The following SPMIP8 variants were observed in gnomAD, a reference collection of about 807,000 sequenced individuals.
The protein encoded by SPMIP8 is testicular tissue protein Li 196.
At chr16:57,984,230 G>C in the SPMIP8 span, 2 of 1,526,646 alleles carry the variant, frequency 1.3e-6, no homozygotes, top group Non-Finnish European at 1.8e-6. Context: ...GTACAGTGTG[G>C]GCCAAAGTTC....
the SPMIP8 span, among the ~76,000 whole-genome samples, chr16:57,978,961 C>T: frequency 5.3e-5 from 8 of 152,056 alleles, no homozygotes; most frequent in Non-Finnish European, 1.2e-4. Flanking sequence ...TTGACAGGTG[C>T]AGTGGTAGGA....
the SPMIP8 span, among the ~76,000 whole-genome samples, chr16:57,981,112 G>C: frequency 4.6e-5 from 7 of 152,072 alleles, no homozygotes; most frequent in Non-Finnish European, 7.4e-5. Flanking sequence ...CGGGCGTGGC[G>C]GTTCACGCCT....
At chr16:57,980,409 T>G in the SPMIP8 span, among the ~76,000 whole-genome samples, 1 of 152,216 alleles carries the variant, frequency 6.6e-6, no homozygotes, top group East Asian at 1.9e-4. Context: ...CAAAAGTTCT[T>G]TTCAGGACGC....
chr16:57,981,598 G>A, the SPMIP8 span, among the ~76,000 whole-genome samples: 157 of 125,870 alleles, frequency 1.2e-3, 1 homozygote, highest in East Asian at 0.033. Flanking sequence ...TGCAACTTCC[G>A]CCTCCCCGGT....
the SPMIP8 span, among the ~76,000 whole-genome samples, chr16:57,982,335 G>A: frequency 4.6e-5 from 7 of 152,266 alleles, no homozygotes; most frequent in Middle Eastern, 3.4e-3. Context: ...CTAGGATTAC[G>A]TATTTCAGTT....
At chr16:57,984,417 C>T in the SPMIP8 span, 3 of 1,579,052 alleles carry the variant, frequency 1.9e-6, no homozygotes, top group Non-Finnish European at 2.6e-6. Context: ...CAGCCCCAAG[C>T]ACCTCTGGTC....
At chr16:57,984,756 T>A in the SPMIP8 span, 5 of 1,607,990 alleles carry the variant, frequency 3.1e-6, no homozygotes, top group Admixed American at 3.4e-5. Flanking sequence ...CGAGGACTGG[T>A]CCCACTTCGT....
the SPMIP8 span, chr16:57,987,666 C>T: frequency 9.4e-6 from 4 of 427,486 alleles, no homozygotes; most frequent in Admixed American, 8.8e-5. Context: ...CCGGCCAACT[C>T]CTGGAGGACT....
the SPMIP8 span, chr16:57,985,357 G>C: frequency 8.9e-6 from 14 of 1,578,418 alleles, no homozygotes; most frequent in Non-Finnish European, 1.2e-5. Context: ...GGGGGGAGGA[G>C]ACCCAGAGCA....
chr16:57,977,150 C>T, the SPMIP8 span, among the ~76,000 whole-genome samples: 1 of 152,134 alleles, frequency 6.6e-6, no homozygotes, highest in African/African-American at 2.4e-5. Flanking sequence ...TGGCTCACAC[C>T]TGTAATCCCA....
the SPMIP8 span, among the ~76,000 whole-genome samples, chr16:57,978,909 G>A: frequency 1.3e-5 from 2 of 152,172 alleles, no homozygotes; most frequent in African/African-American, 4.8e-5. Flanking sequence ...GAGCCACTGT[G>A]CCTAGCCTGT....
chr16:57,986,244 A>C, the SPMIP8 span: 1 of 345,300 alleles, frequency 2.9e-6, no homozygotes, highest in East Asian at 4.6e-5. Flanking sequence ...GACAAATAAG[A>C]AACACAAGGG....
the SPMIP8 span, chr16:57,987,611 G>A: frequency 1.7e-6 from 1 of 598,120 alleles, no homozygotes; most frequent in Non-Finnish European, 2.6e-6. Flanking sequence ...CAGCCTGGGA[G>A]AGGGTCAGGG....
chr16:57,984,749 G>C, the SPMIP8 span: 8 of 1,607,454 alleles, frequency 5.0e-6, no homozygotes, highest in Non-Finnish European at 5.9e-6. Flanking sequence ...GCGCCATCGA[G>C]GACTGGTCCC....
chr16:57,985,081 C>G, the SPMIP8 span: 9 of 1,184,468 alleles, frequency 7.6e-6, no homozygotes, highest in East Asian at 5.4e-5. Context: ...GACCTGTTCT[C>G]CGTACACGTG....
the SPMIP8 span, among the ~76,000 whole-genome samples, chr16:57,978,976 T>C: frequency 6.6e-6 from 1 of 152,168 alleles, no homozygotes; most frequent in South Asian, 2.1e-4. Flanking sequence ...GTAGGAGTCA[T>C]AACAGTAGTA....
chr16:57,985,825 G>A, the SPMIP8 span: 8 of 1,501,394 alleles, frequency 5.3e-6, no homozygotes, highest in South Asian at 3.9e-5. Flanking sequence ...GGCGGGGAGA[G>A]GGGGTGGCTC....
the SPMIP8 span, chr16:57,985,037 C>T: frequency 2.9e-6 from 3 of 1,045,462 alleles, no homozygotes; most frequent in Admixed American, 3.3e-5. Flanking sequence ...GCCTTCGGGC[C>T]GGGGGCTTTG....
At chr16:57,980,690 C>CGTTTT in the SPMIP8 span, among the ~76,000 whole-genome samples, 21 of 152,174 alleles carry the variant, frequency 1.4e-4, no homozygotes, top group African/African-American at 4.6e-4. Flanking sequence ...TTTTGCTTTT[C>CGTTTT]GTTTTGTTTT....
Sources: allele counts gnomAD v4.1 joint callset (sites outside exome capture counted in the v4.1 genomes callset), GRCh38; gene constraint gnomAD v4.1.1; transcripts MANE v1.5; gene names NCBI Gene and HGNC (gene_info 2026-07-23, HGNC 2026-07-21).